The following NCAPD3 variants were observed in gnomAD, a reference collection of about 807,000 sequenced individuals.
The protein encoded by NCAPD3 is non-SMC condensin II complex subunit D3.
Under a neutral mutation model 182.9 loss-of-function variants are expected in NCAPD3, and 105 were observed. The observed-to-expected ratio is 0.57, with a 90% CI of 0.49 to 0.68. The LOEUF is 0.68. Among genes scored for constraint, NCAPD3 ranks in the 30% least tolerant of loss-of-function variants. NCAPD3 has a pLI of 0.00. For synonymous variants in NCAPD3, 815 were observed against 679.9 expected, an observed-to-expected ratio of 1.20 and a Z score of -3.09; for missense variants, 1,944 against 1,837.0, an observed-to-expected ratio of 1.06 and a Z score of -1.07.
At chr11:134,220,980 A>T (rs1238916160) in intron 1 of NCAPD3, among the ~76,000 whole-genome samples, 1 of 152,240 alleles carries the variant, frequency 6.6e-6, no homozygotes. Context: ...TTTCAGATAC[A>T]AGAGTTTTGG....
chr11:134,177,747 C>T (rs1339887440), intron 22 of NCAPD3: 2 of 390,904 alleles, frequency 5.1e-6, no homozygotes, highest in Non-Finnish European at 4.6e-6. Flanking sequence ...GCAGTTATCC[C>T]CTTACCTGGA....
chr11:134,155,302 A>T (rs1943389578), intron 32 of NCAPD3, among the ~76,000 whole-genome samples: 1 of 152,168 alleles, frequency 6.6e-6, no homozygotes, highest in African/African-American at 2.4e-5. Context: ...CACCTAAACT[A>T]AAAGTTGCCA....
rs1943321674 is a variant in NCAPD3 at position 134,153,451 on chromosome 11, GT to G, written c.4253-89del. 5 of 1,338,394 alleles carry G rather than the reference GT, an allele frequency of 3.7e-6. No homozygotes were observed. The South Asian group carries it at 5.9e-5, about 16-fold the overall frequency. 82.9% of individuals were successfully genotyped at this position (1,338,394 alleles called of 1,614,324 possible). A position where few individuals can be genotyped will look rare whatever the true frequency, so the allele number is the denominator to read the frequency against. Reference sequence around the variant, plus strand: ...GTTGTCCGTGGGACGTAGGCAGGGTGTCCACATCAGTGTCCCAGCGGCGGCC... The same window carrying G: ...GTTGTCCGTGGGACGTAGGCAGGGTGCCACATCAGTGTCCCAGCGGCGGCC... On this transcript the variant is annotated intron_variant, in intron 32 of 34. Transcript: ENST00000534548.
chr11:134,208,004 G>A (rs989520434), intron 7 of NCAPD3, among the ~76,000 whole-genome samples: 2 of 152,128 alleles, frequency 1.3e-5, no homozygotes, highest in Middle Eastern at 3.2e-3. Flanking sequence ...GTGACAAATC[G>A]ATAAAGAAGG....
chr11:134,180,533 C>T (rs1944273322), intron 20 of NCAPD3, among the ~76,000 whole-genome samples: 1 of 152,120 alleles, frequency 6.6e-6, no homozygotes, highest in African/African-American at 2.4e-5. Context: ...ATTTCTTGCA[C>T]CGTTTACAGT....
chr11:134,160,806 C>T (rs1284683308), intron 28 of NCAPD3, among the ~76,000 whole-genome samples: 2 of 152,014 alleles, frequency 1.3e-5, no homozygotes, highest in Non-Finnish European at 2.9e-5. Flanking sequence ...GGAGTGGGTT[C>T]CACAGGCCAA....
intron 23 of NCAPD3, among the ~76,000 whole-genome samples, 154 bp downstream of exon 23, chr11:134,177,065 C>T (rs1944186342): frequency 6.6e-6 from 1 of 152,202 alleles, no homozygotes; most frequent in Admixed American, 6.5e-5. Flanking sequence ...GAAGGTTGTG[C>T]TAAACATCAG....
At chr11:134,224,177 A>G (rs775232195), upstream of NCAPD3, 7 of 589,408 alleles carry the variant, frequency 1.2e-5, no homozygotes, top group Non-Finnish European at 1.8e-5. Flanking sequence ...TTCGAGAAGG[A>G]GCCAGGGCCT....
In NCAPD3 at chr11:134,202,665, A is replaced by G. The variant is rs574638725; in HGVS notation, c.1615+151T>C. ...CAAAGTGCTGGGATTATGGGATTACAGGCATGAGTCACCACGCCCAGCCAG... is the reference window on the plus strand; with the variant it reads ...CAAAGTGCTGGGATTATGGGATTACGGGCATGAGTCACCACGCCCAGCCAG... On this transcript the variant is annotated intron_variant, in intron 13 of 34. Coordinates refer to ENST00000534548, the MANE Select transcript of NCAPD3 (RefSeq NM_015261.3). The G allele has an allele frequency of 2.9e-5, 16 of 552,374 alleles. No individual in the cohort carries two copies. The African/African-American group carries it at 3.1e-4, about 11-fold the overall frequency. The allele number at this position is 552,374 out of a possible 1,614,324, so 34.2% of individuals were successfully genotyped here.
At chr11:134,197,862 T>C (rs892036164) in intron 13 of NCAPD3, among the ~76,000 whole-genome samples, 22 of 152,158 alleles carry the variant, frequency 1.4e-4, no homozygotes, top group African/African-American at 5.3e-4. Flanking sequence ...TCAGCAAGCT[T>C]GAAATGGAAG....
rs542815032 is a variant in NCAPD3 at position 134,172,470 on chromosome 11, G to A, written c.3102-3416C>T. Among the ~76,000 whole-genome samples the A allele has an allele frequency of 3.9e-5, 6 of 152,220 alleles. No individual in the cohort carries two copies. In the East Asian group the frequency reaches 9.6e-4, roughly 24 times the overall value. On this transcript the variant is annotated intron_variant, in intron 24 of 34. Transcript: ENST00000534548. ...TTCACTAAGGCCTCCAGATAGTCGC[G>A]TGCTTGCTTCCTTTTCTCCCAAACC...
intron 27 of NCAPD3, among the ~76,000 whole-genome samples, chr11:134,167,261 A>G (rs77528707): frequency 4.3e-4 from 39 of 91,652 alleles, no homozygotes; most frequent in South Asian, 8.6e-4. Flanking sequence ...AGATGAGCTT[A>G]GGGGAGCAGC....
chr11:134,224,659 C>G (rs1591873614), upstream of NCAPD3: 1 of 152,234 alleles, frequency 6.6e-6, no homozygotes, highest in East Asian at 1.9e-4. Flanking sequence ...TCGCCCGCCC[C>G]CTCCCCCGCC....
In NCAPD3 at chr11:134,206,274, G is replaced by C. The variant is rs1420775979; in HGVS notation, c.1016+325C>G. ...AACAGAAAAGGGAAAGAGGTGAACT[G>C]GCTGCAATGAAGCAGACAAGGGAAA... On this transcript the variant is annotated intron_variant, in intron 8 of 34. Transcript: ENST00000534548. Among the ~76,000 whole-genome samples the C allele has an allele frequency of 2.0e-5, 3 of 152,238 alleles. No homozygotes were observed. The East Asian group carries it at 5.8e-4, about 29-fold the overall frequency.
At chr11:134,199,921 G>A (rs980984687) in intron 13 of NCAPD3, among the ~76,000 whole-genome samples, 3 of 152,082 alleles carry the variant, frequency 2.0e-5, no homozygotes, top group African/African-American at 7.2e-5. Context: ...AGAATATAGA[G>A]CACACAAATA....
At position 134,151,885 on chromosome 11, in the gene NCAPD3, A is replaced by AG. The variant is rs1943248852; in HGVS notation, c.*1058dup. 6.6e-6 allele frequency: 1 copy of AG among 152,234 alleles called. No homozygotes were observed. The highest frequency in any genetic ancestry group is 2.4e-5 in the African/African-American group (1 of 41,454). 9.4% of individuals were successfully genotyped at this position (152,234 alleles called of 1,614,324 possible). On this transcript the variant is annotated 3_prime_UTR_variant, in exon 35 of 35. Coordinates refer to ENST00000534548, the MANE Select transcript of NCAPD3 (RefSeq NM_015261.3). ...ACCAGGGAAGTCAGTGCTGGGCAGG[A>AG]GGTCAGCCTGTGTGCTCAAGAGCAG...
chr11:134,161,371 A>G (rs1045290600), intron 28 of NCAPD3, among the ~76,000 whole-genome samples: 2 of 152,200 alleles, frequency 1.3e-5, no homozygotes, highest in African/African-American at 4.8e-5. Context: ...CCTGCAGGGC[A>G]GTTATTTCCT....
At chr11:134,217,902 C>T (rs984377370) in intron 2 of NCAPD3, among the ~76,000 whole-genome samples, 2 of 152,222 alleles carry the variant, frequency 1.3e-5, no homozygotes, top group South Asian at 2.1e-4. Flanking sequence ...AGTTTGAGAA[C>T]AGCCAGGGCA....
rs1238770686 is a variant in NCAPD3, at chr11:134,204,869, T to C, written c.1089+30A>G. 5.8e-6 allele frequency: 9 copies of C among 1,542,676 alleles called. No homozygotes were observed. Among genetic ancestry groups the C allele is most frequent in the Non-Finnish European group, 8.1e-6 (9 of 1,116,462 alleles). On this transcript the variant is annotated intron_variant, in intron 9 of 34. Coordinates refer to ENST00000534548, the MANE Select transcript of NCAPD3 (RefSeq NM_015261.3). The surrounding 1 kb of genome is among the most constrained non-coding windows in gnomAD (Gnocchi z 4.3). ...TATCTTCACACACGATATACTTCCA[T>C]GTTATTAATATTACTAAGGCAAACA...
Sources: gnomAD v4.1 joint callset for allele counts (sites outside exome capture counted in the v4.1 genomes callset) on GRCh38, gnomAD v4.1.1 for gene constraint, Gnocchi (gnomAD v3.1) non-coding constraint, MANE v1.5 for transcripts, NCBI Gene and HGNC (gene_info 2026-07-23, HGNC 2026-07-21) for gene names.